The following DCTN2 variants were observed in gnomAD, a reference collection of about 807,000 sequenced individuals.
DCTN2 encodes 50 kDa dynein-associated polypeptide.
In DCTN2, 18 loss-of-function variants were observed where a neutral mutation model predicts 55.4. The ratio of observed to expected loss-of-function variants is 0.32; its 90% CI spans 0.22 to 0.48. The LOEUF is 0.48. Ranked by LOEUF, DCTN2 falls within the 20% of genes least tolerant of loss-of-function variation. The pLI is 0.99. For missense variants in DCTN2, 390 were observed against 491.0 expected (o/e 0.79, Z 1.94); for synonymous variants, 168 against 185.2 (o/e 0.91, Z 0.76).
At chr12:57,536,811 G>C (rs1282727871) in intron 2 of DCTN2, among the ~76,000 whole-genome samples, 15 of 151,864 alleles carry the variant, frequency 9.9e-5, no homozygotes, top group Admixed American at 8.5e-4. Flanking sequence ...TTTTTCAATT[G>C]TCAGAAGCCT....
At chr12:57,544,076 G>A (rs888453254) in intron 2 of DCTN2, 15 of 435,898 alleles carry the variant, frequency 3.4e-5, no homozygotes, top group Non-Finnish European at 5.5e-5. Context: ...GTATCACAGC[G>A]ACAAAAGGAC....
chr12:57,533,204 T>G (rs1210883501), intron 8 of DCTN2, 34 bp downstream of exon 8: 1 of 1,608,956 alleles, frequency 6.2e-7, no homozygotes, highest in Non-Finnish European at 8.5e-7. Context: ...TTGCAGGATC[T>G]AAGGCTCAGA....
In DCTN2 at chr12:57,546,198, A is replaced by T. The variant is rs955425230; in HGVS notation, c.37-102T>A. 11 of 1,120,102 alleles carry T rather than the reference A, an allele frequency of 9.8e-6. No homozygotes were observed. The Admixed American group carries it at 1.9e-4, about 19-fold the overall frequency. The allele number at this position is 1,120,102 out of a possible 1,614,324, so 69.4% of individuals were successfully genotyped here. A position where few individuals can be genotyped will look rare whatever the true frequency, so the allele number is the denominator to read the frequency against. On this transcript the variant is annotated intron_variant, in intron 1 of 13. Coordinates refer to ENST00000548249, the MANE Select transcript of DCTN2 (RefSeq NM_001261413.2). ...AAGCTAACAGAGAAGGCGGGGTGTGATGTCAGGGTTCTGTCCTTTCTCCTC... is the reference window on the plus strand; with the variant it reads ...AAGCTAACAGAGAAGGCGGGGTGTGTTGTCAGGGTTCTGTCCTTTCTCCTC...
intron 2 of DCTN2, chr12:57,541,413 A>G (rs763710791): frequency 6.3e-7 from 1 of 1,598,548 alleles, no homozygotes; most frequent in South Asian, 1.1e-5. Flanking sequence ...GGATGGGGGA[A>G]GCATTAGGAA....
rs530387935 is a variant in DCTN2 at position 57,538,688 on chromosome 12, G to C, written c.106-2843C>G. The C allele has an allele frequency of 1.8e-5, 11 of 600,448 alleles. No homozygotes were observed. The African/African-American group carries it at 2.0e-4, about 11-fold the overall frequency. 37.2% of individuals were successfully genotyped at this position (600,448 alleles called of 1,614,324 possible). A position where few individuals can be genotyped will look rare whatever the true frequency, so the allele number is the denominator to read the frequency against. On this transcript the variant is annotated intron_variant, in intron 2 of 13. Transcript: ENST00000548249. ...CACTGCACCACAGGGCCCCAGGGGA[G>C]CCTAGCGAAATTTAGGGGCCAAGAA...
intron 13 of DCTN2, 33 bp from the exon 14 acceptor site, chr12:57,530,808 C>T (rs2140111199): frequency 4.5e-6 from 7 of 1,559,266 alleles, no homozygotes; most frequent in Non-Finnish European, 6.2e-6. Flanking sequence ...TACTCTTTGT[C>T]AGGTCCAGTT....
In DCTN2 at chr12:57,530,464, C is replaced by T; in HGVS notation, c.*225G>A. The T allele has an allele frequency of 2.1e-6, 1 of 483,060 alleles. No individual in the cohort carries two copies. The highest frequency in any genetic ancestry group is 3.7e-6 in the Non-Finnish European group (1 of 267,532). 29.9% of individuals were successfully genotyped at this position (483,060 alleles called of 1,614,324 possible). On this transcript the variant is annotated 3_prime_UTR_variant, in exon 14 of 14. Coordinates refer to ENST00000548249, the MANE Select transcript of DCTN2 (RefSeq NM_001261413.2). Reference sequence around the variant, plus strand: ...ATGTGGCTGGGCCCACGTCCTTATCCCCCAGGCCTGAGGGGAGACCACCTT... The same window carrying T: ...ATGTGGCTGGGCCCACGTCCTTATCTCCCAGGCCTGAGGGGAGACCACCTT...
At position 57,533,301 on chromosome 12, in the gene DCTN2, G is replaced by A. The variant is rs200846627; in HGVS notation, c.672C>T (p.Val224=). 2.7e-5 allele frequency: 43 copies of A among 1,613,858 alleles called. No individual in the cohort carries two copies. Among genetic ancestry groups the A allele is most frequent in the Middle Eastern group, 3.3e-4 (2 of 6,036 alleles). The change falls in exon 8 of 14, where the codon GTC becomes GTT. Residue 224 remains valine (V), a splice_region_variant and synonymous_variant. Transcript: ENST00000548249. The part of the protein sequence containing the change: ...EQDKFSQAAK[V]AELEKRLTEL... ...CTGTCAGGCGCTTTTCAAGTTCTGC[G>A]ACCTAGTGGGAGGAAGGAGGTGAGA...
chr12:57,543,312 G>A, intron 2 of DCTN2: 1 of 222,634 alleles, frequency 4.5e-6, no homozygotes, highest in Non-Finnish European at 8.8e-6. Context: ...TCACGCCACT[G>A]CACTCCAGCC....
intron 5 of DCTN2, chr12:57,534,851 G>A (rs1043788547): frequency 2.1e-6 from 1 of 485,038 alleles, no homozygotes; most frequent in Non-Finnish European, 3.7e-6. Context: ...TATTTTTTTA[G>A]TACAGATGGG....
intron 2 of DCTN2, among the ~76,000 whole-genome samples, chr12:57,537,041 T>C (rs1228436210): frequency 6.6e-6 from 1 of 151,468 alleles, no homozygotes; most frequent in Non-Finnish European, 1.5e-5. Context: ...AGCCTGTCTG[T>C]AGTCCCAGCA....
chr12:57,541,532 T>C (rs1880695632), intron 2 of DCTN2, among the ~76,000 whole-genome samples: 1 of 152,186 alleles, frequency 6.6e-6, no homozygotes, highest in African/African-American at 2.4e-5. Flanking sequence ...GAGTGTCCAG[T>C]AATATCTACC....
rs751364177 is a variant in DCTN2, at chr12:57,534,070, T to C, written c.552A>G (p.Thr184=). The C allele has an allele frequency of 2.5e-6, 4 of 1,608,030 alleles. No individual in the cohort carries two copies. Among genetic ancestry groups the C allele is most frequent in the Admixed American group, 3.4e-5 (2 of 58,680 alleles). ...CCCCTGATCCCCCTTTGCTGTTCTT[T>C]GTTGCTTCCAGCTGCAGTAGTAGGC... is the stretch of plus-strand genomic sequence containing the variant. ...AKRLLLQLEA[T]KNSKGGSGGK... The change falls in exon 7 of 14, where the codon ACA becomes ACG. Residue 184 remains threonine, a synonymous_variant. Transcript: ENST00000548249.
chr12:57,536,045 T>A, intron 2 of DCTN2, 200 bp from the exon 3 acceptor site: 1 of 590,330 alleles, frequency 1.7e-6, no homozygotes. Flanking sequence ...CTCAGTTGTA[T>A]AAATATTAAC....
chr12:57,532,129 A>G (rs1288615577), intron 12 of DCTN2, 23 bp from the exon 13 acceptor site: 1 of 1,553,908 alleles, frequency 6.4e-7, no homozygotes, highest in Non-Finnish European at 8.7e-7. Context: ...AGTATGGTTG[A>G]GACTTGAATC....
chr12:57,530,762 A>G lies in DCTN2; in HGVS notation c.1133T>C (p.Met378Thr), dbSNP rs1370393642. The part of the protein sequence containing the change: ...TTLLTQVQTT[M>T]RENLATVEGN... The stretch of plus-strand genomic sequence containing the variant: ...CTCAACTGTGGCCAGGTTTTCACGC[A>G]TGGTTGTCTGCACCTACAAAGTGGT... Residue 378 changes from methionine (M) to threonine (T), a missense_variant, in exon 14 of 14, where the codon ATG becomes ACG. Coordinates refer to ENST00000548249, the MANE Select transcript of DCTN2 (RefSeq NM_001261413.2). 4.3e-6 allele frequency: 7 copies of G among 1,613,834 alleles called. No individual in the cohort carries two copies. The highest frequency in any genetic ancestry group is 1.7e-4 in the Middle Eastern group (1 of 6,060).
At chr12:57,531,869 A>T in intron 13 of DCTN2, 146 bp downstream of exon 13, 2 of 1,136,474 alleles carry the variant, frequency 1.8e-6, no homozygotes, top group Non-Finnish European at 2.5e-6. Context: ...AAGGGCCTTC[A>T]CATTGAAAGC....
chr12:57,545,950 T>G (rs1881112641), intron 2 of DCTN2, 78 bp downstream of exon 2: 1 of 1,466,826 alleles, frequency 6.8e-7, no homozygotes, highest in East Asian at 2.3e-5. Context: ...TTGCTGTAGC[T>G]CCCCCGAGAA....
intron 2 of DCTN2, chr12:57,541,258 C>G (rs1195250979): frequency 7.1e-7 from 1 of 1,415,178 alleles, no homozygotes; most frequent in African/African-American, 1.4e-5. Flanking sequence ...CAGGGACTCA[C>G]TGGAATTTAA....
Sources: gnomAD v4.1 joint callset for allele counts (sites outside exome capture counted in the v4.1 genomes callset) on GRCh38, gnomAD v4.1.1 for gene constraint, MANE v1.5 for transcripts, NCBI Gene and HGNC (gene_info 2026-07-23, HGNC 2026-07-21) for gene names.